Variants in CRYBG1 observed in about 807,000 individuals in gnomAD.
CRYBG1 encodes the protein crystallin beta-gamma domain containing 1.
CRYBG1 carries 139 observed loss-of-function variants against 189.2 expected under a neutral mutation model. The observed-to-expected ratio is 0.73, with a 90% CI of 0.64 to 0.85. CRYBG1 has a LOEUF of 0.85. CRYBG1 is among the 40% of genes least tolerant of loss of function. The pLI, the probability that CRYBG1 is intolerant of heterozygous loss-of-function variation, is 0.00. For missense variants in CRYBG1, 2,611 were observed against 2,675.8 expected, an observed-to-expected ratio of 0.98 and a Z score of 0.53; for synonymous variants, 1,023 against 1,017.1, an observed-to-expected ratio of 1.01 and a Z score of -0.11.
At chr6:106,475,913 T>C (rs761288828) in intron 2 of CRYBG1, among the ~76,000 whole-genome samples, 6 of 152,202 alleles carry the variant, frequency 3.9e-5, no homozygotes, top group Admixed American at 6.5e-5. Context: ...CTCCGTCTAG[T>C]GGTTTTCAGA....
chr6:106,565,866 T>C (rs77865468), intron 21 of CRYBG1, among the ~76,000 whole-genome samples: 2,965 of 152,278 alleles, frequency 0.019, 79 homozygotes, highest in African/African-American at 0.069. Flanking sequence ...ATAAACTTTA[T>C]TGCACTAGAG....
intron 1 of CRYBG1, among the ~76,000 whole-genome samples, chr6:106,447,564 A>ATG (rs1374974657): frequency 6.7e-6 from 1 of 149,324 alleles, no homozygotes; most frequent in Non-Finnish European, 1.5e-5. Context: ...ATATATATAT[A>ATG]TATATATATC....
intron 1 of CRYBG1, among the ~76,000 whole-genome samples, chr6:106,415,843 T>C (rs1359787468): frequency 2.0e-5 from 3 of 152,224 alleles, no homozygotes; most frequent in African/African-American, 4.8e-5. Context: ...GTACAGGCAC[T>C]TTTCTCCTAT....
At chr6:106,393,283 G>A (rs1050966944) in intron 1 of CRYBG1, among the ~76,000 whole-genome samples, 1 of 152,158 alleles carries the variant, frequency 6.6e-6, no homozygotes, top group African/African-American at 2.4e-5. Flanking sequence ...GATGCACAGG[G>A]GGTCCAGGGA....
intron 7 of CRYBG1, among the ~76,000 whole-genome samples, chr6:106,529,419 G>A (rs1171379647): frequency 2.0e-5 from 3 of 152,132 alleles, no homozygotes; most frequent in South Asian, 4.1e-4. Flanking sequence ...ATATTTTCAA[G>A]GTTACCTTTT....
intron 1 of CRYBG1, among the ~76,000 whole-genome samples, chr6:106,364,034 T>C (rs1771932419): frequency 6.6e-6 from 1 of 152,170 alleles, no homozygotes; most frequent in Admixed American, 6.5e-5. Context: ...TAGAAAAGTT[T>C]ACCAGTCCAG....
chr6:106,490,370 C>A lies in CRYBG1; in HGVS notation c.313-21060C>A, dbSNP rs146550361. Among the ~76,000 whole-genome samples the A allele has an allele frequency of 7.7e-4, 117 of 152,260 alleles. 1 individual carries two copies. The highest frequency in any genetic ancestry group is 2.7e-3 in the African/African-American group (113 of 41,548). On this transcript the variant is annotated intron_variant, in intron 2 of 21. Transcript: ENST00000633556. Reference sequence around the variant, plus strand: ...TAGCTTAGTTTAGGGGGGAGCAGTTCACCAGGTAGGCTATGAAAGAGGAAC... The same window carrying A: ...TAGCTTAGTTTAGGGGGGAGCAGTTAACCAGGTAGGCTATGAAAGAGGAAC...
At chr6:106,477,258 G>A (rs1316316903) in intron 2 of CRYBG1, among the ~76,000 whole-genome samples, 1 of 152,118 alleles carries the variant, frequency 6.6e-6, no homozygotes, top group African/African-American at 2.4e-5. Context: ...TAAATATTTA[G>A]TCTGTATGGG....
intron 2 of CRYBG1, among the ~76,000 whole-genome samples, chr6:106,463,818 T>G (rs1170552832): frequency 6.6e-6 from 1 of 152,244 alleles, no homozygotes; most frequent in African/African-American, 2.4e-5. Flanking sequence ...CACTCTGCCA[T>G]TGTGCCTAAT....
chr6:106,408,212 A>C lies in CRYBG1; in HGVS notation c.174-43482A>C, dbSNP rs549966717. 2.0e-5 allele frequency among the ~76,000 whole-genome samples: 3 copies of C among 152,360 alleles called. No homozygotes were observed. In the South Asian group the frequency reaches 6.2e-4, roughly 32 times the overall value. On this transcript the variant is annotated intron_variant, in intron 1 of 21. Coordinates refer to ENST00000633556, the MANE Select transcript of CRYBG1 (RefSeq NM_001371242.2). ...GGGTATCATCACTGATCCCACAGAA[A>C]TACAAACTACTGTCAGAGAATATTA...
intron 9 of CRYBG1, 57 bp downstream of exon 9, chr6:106,539,586 T>C (rs1774083923): frequency 6.4e-7 from 1 of 1,563,978 alleles, no homozygotes; most frequent in Non-Finnish European, 8.7e-7. Flanking sequence ...GACGTGGTAA[T>C]TCACAGGGTG....
At chr6:106,402,100 G>C (rs377561056) in intron 1 of CRYBG1, among the ~76,000 whole-genome samples, 1 of 105,500 alleles carries the variant, frequency 9.5e-6, no homozygotes, top group Admixed American at 1.1e-4. Context: ...GGGATGTGAA[G>C]GACCTCTTCA....
chr6:106,426,434 T>C (rs1024148565), intron 1 of CRYBG1, among the ~76,000 whole-genome samples: 1 of 151,890 alleles, frequency 6.6e-6, no homozygotes, highest in Non-Finnish European at 1.5e-5. Flanking sequence ...CACAGAAGAG[T>C]GTTTATACTT....
At chr6:106,518,818 G>T (rs1773501730) in intron 3 of CRYBG1, among the ~76,000 whole-genome samples, 1 of 151,998 alleles carries the variant, frequency 6.6e-6, no homozygotes, top group African/African-American at 2.4e-5. Flanking sequence ...AAATTAGTTG[G>T]GTGTGTGATA....
chr6:106,527,362 AG>A lies in CRYBG1; in HGVS notation c.4471del (p.Glu1491AsnfsTer10). 1 of 1,613,510 alleles carries A rather than the reference AG, an allele frequency of 6.2e-7. No individual in the cohort carries two copies. On this transcript the variant is annotated frameshift_variant, in exon 7 of 22. Transcript: ENST00000633556. LOFTEE classifies it high-confidence loss of function. ...GGCACTCCATCCCCTTAGAAGAAGG[AG>A]AATTGGAACTCTCTGGTCTCTGGGG... ...EGHSIPLEEG[E>X]LELSGLWGIE...
chr6:106,538,455 G>A (rs1462146), intron 8 of CRYBG1, among the ~76,000 whole-genome samples: 8,677 of 152,184 alleles, frequency 0.057, 845 homozygotes, highest in African/African-American at 0.2. Flanking sequence ...TTGTGGCCTG[G>A]GAACAAGCAG....
intron 1 of CRYBG1, among the ~76,000 whole-genome samples, chr6:106,427,136 A>T (rs1252817703): frequency 6.6e-6 from 1 of 151,876 alleles, no homozygotes; most frequent in African/African-American, 2.4e-5. Flanking sequence ...TTCTCTCTGC[A>T]TTTACTTTCT....
At chr6:106,417,193 C>T (rs556131738) in intron 1 of CRYBG1, among the ~76,000 whole-genome samples, 70 of 151,574 alleles carry the variant, frequency 4.6e-4, no homozygotes, top group South Asian at 8.3e-4. Context: ...CAGGGTCTGA[C>T]TAAAATTTAA....
In CRYBG1 at chr6:106,521,091, G is replaced by A. The variant is rs1773596141; in HGVS notation, c.3883G>A (p.Gly1295Ser). ...CACGACTGAGGGTGCCCCGCCCTGT[G>A]GTTTGAACAAAGAACAGTCAAATCT... ...QPTTEGAPPC[G>S]LNKEQSNLLP... The change falls in exon 4 of 22, where the codon GGT becomes AGT. Residue 1295 changes from glycine (G) to serine (S), a missense_variant. Coordinates refer to ENST00000633556, the MANE Select transcript of CRYBG1 (RefSeq NM_001371242.2). 6.2e-7 allele frequency: 1 copy of A among 1,614,016 alleles called. No individual in the cohort carries two copies. The highest frequency in any genetic ancestry group is 1.3e-5 in the African/African-American group (1 of 74,904).
Sources: allele counts gnomAD v4.1 joint callset (sites outside exome capture counted in the v4.1 genomes callset), GRCh38; gene constraint gnomAD v4.1.1; transcripts MANE v1.5; gene names NCBI Gene and HGNC (gene_info 2026-07-23, HGNC 2026-07-21).